ST6GALNAC3: variants seen among roughly 807,000 people sequenced by gnomAD.
The protein encoded by ST6GALNAC3 is alpha-N-acetylgalactosaminide alpha-2,6-sialyltransferase 3.
ST6GALNAC3 carries 25 observed loss-of-function variants against 32.7 expected under a neutral mutation model. The ratio of observed to expected loss-of-function variants is 0.76; its 90% confidence interval spans 0.56 to 1.07. The LOEUF is 1.07. Ranked by LOEUF, ST6GALNAC3 falls within the 50% of genes least tolerant of loss-of-function variation. The pLI, the probability that ST6GALNAC3 is intolerant of heterozygous loss-of-function variation, is 0.00. For synonymous variants in ST6GALNAC3, 129 were observed against 133.1 expected (o/e 0.97, Z 0.21); for missense variants, 355 against 382.4 (o/e 0.93, Z 0.60).
chr1:76,212,331 A>G (rs1287677871), intron 1 of ST6GALNAC3, among the ~76,000 whole-genome samples: 1 of 152,136 alleles, frequency 6.6e-6, no homozygotes, highest in Non-Finnish European at 1.5e-5. Flanking sequence ...TTAAAATTAA[A>G]TTGGTGTTTT....
Position 76,249,727 on chromosome 1 carries a change from A to C in ST6GALNAC3, c.19-64078A>C, listed in dbSNP as rs906491185. 4.6e-5 allele frequency among the ~76,000 whole-genome samples: 7 copies of C among 152,298 alleles called. No homozygotes were observed. In the East Asian group the frequency reaches 5.8e-4, roughly 13 times the overall value. ...GAATCATTTTACAATCCTACCAGAAATGTATGAGGGAAACAATTTCTCGAC... is the reference window on the plus strand; with the variant it reads ...GAATCATTTTACAATCCTACCAGAACTGTATGAGGGAAACAATTTCTCGAC... On this transcript the variant is annotated intron_variant, in intron 1 of 4. Coordinates refer to ENST00000328299, the MANE Select transcript of ST6GALNAC3 (RefSeq NM_152996.4).
chr1:76,340,763 GA>G (rs1647898122), intron 2 of ST6GALNAC3, among the ~76,000 whole-genome samples: 1 of 151,830 alleles, frequency 6.6e-6, no homozygotes, highest in African/African-American at 2.4e-5. Context: ...GGGGATTAGA[GA>G]AGGCTTCCCC....
At chr1:76,409,423 A>G (rs1181072736) in intron 2 of ST6GALNAC3, among the ~76,000 whole-genome samples, 1 of 152,152 alleles carries the variant, frequency 6.6e-6, no homozygotes, top group Non-Finnish European at 1.5e-5. Flanking sequence ...CACATTTTAT[A>G]GGAGTACAAA....
chr1:76,307,553 G>T (rs1371501216), intron 1 of ST6GALNAC3, among the ~76,000 whole-genome samples: 1 of 152,074 alleles, frequency 6.6e-6, no homozygotes, highest in Non-Finnish European at 1.5e-5. Flanking sequence ...TAACACAGTT[G>T]ACATTGTCTT....
chr1:76,177,880 A>G (rs1006880137), intron 1 of ST6GALNAC3, among the ~76,000 whole-genome samples: 2 of 152,160 alleles, frequency 1.3e-5, no homozygotes, highest in African/African-American at 4.8e-5. Flanking sequence ...TGACGGGGCC[A>G]TTTTCTCACA....
At chr1:76,447,928 CAG>C (rs1291012424) in intron 3 of ST6GALNAC3, among the ~76,000 whole-genome samples, 1 of 152,190 alleles carries the variant, frequency 6.6e-6, no homozygotes, top group Non-Finnish European at 1.5e-5. Flanking sequence ...AGAGCCCCCA[CAG>C]AGAGTCCTTA....
chr1:76,153,167 T>C (rs1651161121), intron 1 of ST6GALNAC3, among the ~76,000 whole-genome samples: 1 of 152,208 alleles, frequency 6.6e-6, no homozygotes, highest in Non-Finnish European at 1.5e-5. Context: ...GCCCTTCTGA[T>C]AGGTGGAAAA....
intron 1 of ST6GALNAC3, among the ~76,000 whole-genome samples, chr1:76,123,902 A>G (rs1475900054): frequency 6.6e-6 from 1 of 151,676 alleles, no homozygotes; most frequent in Non-Finnish European, 1.5e-5. Context: ...AGCACATACC[A>G]TGACGCCTGG....
chr1:76,506,025 T>C (rs1179070582), intron 3 of ST6GALNAC3, among the ~76,000 whole-genome samples: 2 of 140,278 alleles, frequency 1.4e-5, no homozygotes, highest in African/African-American at 3.1e-5. Flanking sequence ...GCACTATATA[T>C]GAAACATGGG....
chr1:76,096,855 C>A (rs570383657), intron 1 of ST6GALNAC3, among the ~76,000 whole-genome samples: 17 of 150,202 alleles, frequency 1.1e-4, no homozygotes, highest in African/African-American at 4.1e-4. Context: ...CCTAAGTGTT[C>A]ATTTCTAAAC....
chr1:76,356,829 C>T (rs1014225220), intron 2 of ST6GALNAC3, among the ~76,000 whole-genome samples: 1 of 152,200 alleles, frequency 6.6e-6, no homozygotes. Flanking sequence ...AAGCTGTTCT[C>T]CCTCTCTTTG....
At chr1:76,235,457 T>C (rs1369293500) in intron 1 of ST6GALNAC3, among the ~76,000 whole-genome samples, 1 of 152,086 alleles carries the variant, frequency 6.6e-6, no homozygotes, top group East Asian at 1.9e-4. Flanking sequence ...CAGTGATCCA[T>C]GATGGTGCCA....
At chr1:76,229,847 A>G (rs911768651) in intron 1 of ST6GALNAC3, among the ~76,000 whole-genome samples, 5 of 152,158 alleles carry the variant, frequency 3.3e-5, no homozygotes, top group Admixed American at 6.6e-5. Context: ...AGGTATTACC[A>G]TCTCACGGTG....
At chr1:76,358,751 G>C (rs1387957371) in intron 2 of ST6GALNAC3, among the ~76,000 whole-genome samples, 1 of 152,048 alleles carries the variant, frequency 6.6e-6, no homozygotes, top group African/African-American at 2.4e-5. Context: ...ATGGCCCACA[G>C]GTCTCTGCTT....
chr1:76,252,348 C>G (rs958525601), intron 1 of ST6GALNAC3, among the ~76,000 whole-genome samples: 6 of 152,180 alleles, frequency 3.9e-5, no homozygotes, highest in South Asian at 2.1e-4. Flanking sequence ...TGACCTCCCC[C>G]CAACCTTGAG....
chr1:76,580,482 G>C (rs1197841836), intron 3 of ST6GALNAC3, among the ~76,000 whole-genome samples: 1 of 152,122 alleles, frequency 6.6e-6, no homozygotes, highest in Non-Finnish European at 1.5e-5. Context: ...AAACACAAAA[G>C]TGCCAGAACA....
intron 2 of ST6GALNAC3, among the ~76,000 whole-genome samples, chr1:76,324,148 G>A (rs1647023696): frequency 6.6e-6 from 1 of 152,204 alleles, no homozygotes; most frequent in Non-Finnish European, 1.5e-5. Flanking sequence ...GAGCCACCAT[G>A]CCCGGTTGAA....
At chr1:76,115,389 G>A (rs1648392745) in intron 1 of ST6GALNAC3, among the ~76,000 whole-genome samples, 1 of 152,156 alleles carries the variant, frequency 6.6e-6, no homozygotes, top group Non-Finnish European at 1.5e-5. Flanking sequence ...AGTTAGAAGG[G>A]AAAGAATTTA....
At chr1:76,607,047 A>G (rs1372350398) in intron 3 of ST6GALNAC3, among the ~76,000 whole-genome samples, 1 of 152,108 alleles carries the variant, frequency 6.6e-6, no homozygotes, top group African/African-American at 2.4e-5. Context: ...CTGACCAACC[A>G]ACAATAAATC....
Sources: allele counts gnomAD v4.1 joint callset (sites outside exome capture counted in the v4.1 genomes callset), GRCh38; gene constraint gnomAD v4.1.1; transcripts MANE v1.5; gene names NCBI Gene and HGNC (gene_info 2026-07-23, HGNC 2026-07-21).